AHI1: variants seen among roughly 807,000 people sequenced by gnomAD.
The protein encoded by AHI1 is jouberin.
AHI1 carries 123 observed loss-of-function variants against 149.3 expected under a neutral mutation model. The observed-to-expected ratio is 0.82, with a 90% CI of 0.71 to 0.96. AHI1 has a LOEUF of 0.96. Among genes scored for constraint, AHI1 ranks in the 40% least tolerant of loss-of-function variants. AHI1 has a pLI of 0.00. For missense variants in AHI1, 1,439 were observed against 1,422.7 expected, an observed-to-expected ratio of 1.01 and a Z score of -0.18; for synonymous variants, 475 against 459.8, an observed-to-expected ratio of 1.03 and a Z score of -0.42.
intron 5 of AHI1, among the ~76,000 whole-genome samples, chr6:135,471,868 C>T (rs566252551): frequency 4.6e-5 from 7 of 151,184 alleles, no homozygotes; most frequent in Non-Finnish European, 4.4e-5. Context: ...AAAAATTAGC[C>T]GGGCGCGGTG....
rs528804666 is a variant in AHI1 at position 135,363,359 on chromosome 6, T to C, written c.3110-5172A>G. ...AGCACATGTTTCAGAGAGCACAGGG[T>C]TGGGGGTAAGGTCACCGATCAACAG... On this transcript the variant is annotated intron_variant, in intron 23 of 28. Coordinates refer to ENST00000265602, the MANE Select transcript of AHI1 (RefSeq NM_001134831.2). Among the ~76,000 whole-genome samples, 8 of 152,024 alleles carry C rather than the reference T, an allele frequency of 5.3e-5. No individual in the cohort carries two copies. In the East Asian group the frequency reaches 1.4e-3, roughly 26 times the overall value.
intron 27 of AHI1, among the ~76,000 whole-genome samples, chr6:135,293,407 A>G (rs1782625639): frequency 2.5e-4 from 20 of 79,672 alleles, no homozygotes; most frequent in African/African-American, 1.8e-3. Context: ...AAAAAAAAAG[A>G]AAAAAAAAAA....
At chr6:135,482,509 T>C (rs898256865) in intron 5 of AHI1, among the ~76,000 whole-genome samples, 1 of 152,168 alleles carries the variant, frequency 6.6e-6, no homozygotes, top group Non-Finnish European at 1.5e-5. Context: ...ATTTATATTG[T>C]TATTTCTTGA....
At chr6:135,291,653 T>C (rs934207861) in intron 27 of AHI1, among the ~76,000 whole-genome samples, 2 of 152,148 alleles carry the variant, frequency 1.3e-5, no homozygotes, top group Non-Finnish European at 2.9e-5. Context: ...TGTGGCACCC[T>C]GAATAGACTA....
chr6:135,364,059 C>T (rs1260425538), intron 23 of AHI1, among the ~76,000 whole-genome samples: 4 of 147,856 alleles, frequency 2.7e-5, no homozygotes, highest in South Asian at 2.2e-4. Context: ...GGCGGCTGGC[C>T]GGGCGGGGGG....
At chr6:135,445,811 C>T (rs993747186) in intron 13 of AHI1, among the ~76,000 whole-genome samples, 7 of 152,098 alleles carry the variant, frequency 4.6e-5, no homozygotes, top group Non-Finnish European at 1.0e-4. Flanking sequence ...AATCCCAGTA[C>T]TTTGGGAGGC....
chr6:135,358,956 T>C (rs988850417), intron 23 of AHI1, among the ~76,000 whole-genome samples: 2 of 152,200 alleles, frequency 1.3e-5, no homozygotes, highest in Admixed American at 1.3e-4. Flanking sequence ...ACATATAATT[T>C]AGGATATTAA....
intron 20 of AHI1, among the ~76,000 whole-genome samples, chr6:135,421,954 A>C (rs1394423895): frequency 6.6e-6 from 1 of 152,116 alleles, no homozygotes; most frequent in Non-Finnish European, 1.5e-5. Context: ...AATCTTGTAT[A>C]AGTATGAGAA....
chr6:135,423,136 A>C, intron 20 of AHI1, among the ~76,000 whole-genome samples: 1 of 152,178 alleles, frequency 6.6e-6, no homozygotes, highest in African/African-American at 2.4e-5. Context: ...GAAGAGTTTT[A>C]GAAGGATGGT....
chr6:135,324,003 T>C (rs1478155276), intron 24 of AHI1, among the ~76,000 whole-genome samples: 1 of 152,210 alleles, frequency 6.6e-6, no homozygotes, highest in Non-Finnish European at 1.5e-5. Context: ...GTCAAAATGA[T>C]ATGGCAGTGG....
chr6:135,351,135 C>CAAAAAAAAAAAAAAAAAAAAAAAA (rs1183574427), intron 24 of AHI1, among the ~76,000 whole-genome samples: 2 of 131,390 alleles, frequency 1.5e-5, no homozygotes, highest in African/African-American at 6.7e-5. Flanking sequence ...AAACAAAAAA[C>CAAAAAAAAAAAAAAAAAAAAAAAA]AAAAAAAACA....
At position 135,396,136 on chromosome 6, in the gene AHI1, T is replaced by C. The variant is rs567814361; in HGVS notation, c.2989-1240A>G. Among the ~76,000 whole-genome samples, 15 of 151,990 alleles carry C rather than the reference T, an allele frequency of 9.9e-5. No individual in the cohort carries two copies. In the South Asian group the frequency reaches 3.1e-3, roughly 31 times the overall value. On this transcript the variant is annotated intron_variant, in intron 22 of 28. Coordinates refer to ENST00000265602, the MANE Select transcript of AHI1 (RefSeq NM_001134831.2). ...ACCATATGTTAATATGGTTTTAAAG[T>C]AACTAAACTATTATGTCATCTCAAT...
intron 10 of AHI1, among the ~76,000 whole-genome samples, chr6:135,455,154 A>G (rs1021703155): frequency 6.6e-6 from 1 of 152,282 alleles, no homozygotes; most frequent in East Asian, 1.9e-4. Context: ...TGGGGAAATC[A>G]CTTTTATTCC....
chr6:135,407,928 G>A (rs1475417883), intron 21 of AHI1, among the ~76,000 whole-genome samples: 1 of 151,906 alleles, frequency 6.6e-6, no homozygotes, highest in Non-Finnish European at 1.5e-5. Flanking sequence ...CCAGCTACTC[G>A]GGAGGCTGAG....
intron 24 of AHI1, among the ~76,000 whole-genome samples, chr6:135,326,306 C>T (rs888324969): frequency 2.0e-5 from 3 of 152,106 alleles, no homozygotes; most frequent in Non-Finnish European, 4.4e-5. Flanking sequence ...GAGGAAGATA[C>T]AGTGAGAAAG....
chr6:135,318,042 C>T (rs1243989192), intron 26 of AHI1, among the ~76,000 whole-genome samples: 1 of 152,222 alleles, frequency 6.6e-6, no homozygotes, highest in South Asian at 2.1e-4. Flanking sequence ...ATTTCTCTGG[C>T]TACTCTGGCT....
chr6:135,373,074 T>C (rs1371307247), intron 23 of AHI1, among the ~76,000 whole-genome samples: 1 of 152,234 alleles, frequency 6.6e-6, no homozygotes, highest in South Asian at 2.1e-4. Flanking sequence ...GTTAACGTAC[T>C]AGGACTGTTT....
chr6:135,293,410 AAAAAAAAAAAAAAAG>A (rs1176910688), intron 27 of AHI1, among the ~76,000 whole-genome samples: 19 of 142,226 alleles, frequency 1.3e-4, no homozygotes, highest in African/African-American at 4.3e-4. Flanking sequence ...AAAAAAGAAA[AAAAAAAAAAAAAAAG>A]AAAAAAAGAA....
chr6:135,444,794 A>G (rs1012234929), intron 13 of AHI1, among the ~76,000 whole-genome samples: 24 of 152,236 alleles, frequency 1.6e-4, no homozygotes, highest in African/African-American at 5.8e-4. Context: ...CACGTTATTT[A>G]GCCTCTAGAA....
Sources: gnomAD v4.1 joint callset for allele counts (sites outside exome capture counted in the v4.1 genomes callset) on GRCh38, gnomAD v4.1.1 for gene constraint, MANE v1.5 for transcripts, NCBI Gene and HGNC (gene_info 2026-07-23, HGNC 2026-07-21) for gene names.